Variants in CNTN4 observed in about 807,000 individuals in gnomAD.
The protein encoded by CNTN4 is contactin 4, also known as contactin-4.
CNTN4 carries 77 observed loss-of-function variants against 122.5 expected under a neutral mutation model. The observed-to-expected ratio is 0.63, with a 90% CI of 0.52 to 0.76. The LOEUF is 0.76. Ranked by LOEUF, CNTN4 falls within the 30% of genes least tolerant of loss-of-function variation. CNTN4 has a pLI of 0.00. For synonymous variants in CNTN4, 512 were observed against 447.0 expected (o/e 1.15, Z -1.83); for missense variants, 1,256 against 1,259.1 (o/e 1.00, Z 0.04).
intron 7 of CNTN4, among the ~76,000 whole-genome samples, chr3:2,826,293 C>A (rs1038267942): frequency 2.0e-5 from 3 of 152,210 alleles, no homozygotes; most frequent in Admixed American, 6.5e-5. Context: ...TAATATGCAG[C>A]CAGGGTGGAA....
At chr3:2,721,686 C>G (rs1319796784) in intron 4 of CNTN4, among the ~76,000 whole-genome samples, 1 of 151,964 alleles carries the variant, frequency 6.6e-6, no homozygotes. Flanking sequence ...CTGTTTTTGC[C>G]TGTAGTGCTT....
intron 3 of CNTN4, among the ~76,000 whole-genome samples, chr3:2,560,145 C>CT (rs567883588): frequency 1.1e-3 from 154 of 144,370 alleles, no homozygotes; most frequent in Middle Eastern, 3.5e-3. Flanking sequence ...TTTTCTTTTT[C>CT]TTTTTTTTTT....
intron 5 of CNTN4, among the ~76,000 whole-genome samples, 160 bp from the exon 6 acceptor site, chr3:2,745,362 T>A (rs952628063): frequency 7.2e-5 from 11 of 152,234 alleles, no homozygotes; most frequent in African/African-American, 2.7e-4. Flanking sequence ...ACTTAAGATG[T>A]CACCATTGCT....
intron 2 of CNTN4, among the ~76,000 whole-genome samples, chr3:2,125,622 C>A (rs1044281306): frequency 1.5e-4 from 22 of 149,352 alleles, no homozygotes; most frequent in African/African-American, 5.4e-4. Context: ...TCAGTGGCAC[C>A]ATCTTGGATC....
chr3:3,046,406 C>T (rs1304380248), intron 23 of CNTN4, among the ~76,000 whole-genome samples: 2 of 152,176 alleles, frequency 1.3e-5, no homozygotes, highest in Non-Finnish European at 2.9e-5. Flanking sequence ...CAAAGGGAAG[C>T]CCATCAGACT....
At chr3:2,568,374 C>T (rs2079276319) in intron 3 of CNTN4, among the ~76,000 whole-genome samples, 2 of 150,090 alleles carry the variant, frequency 1.3e-5, no homozygotes, top group Admixed American at 6.7e-5. Context: ...TTCATCTCCT[C>T]CTGGCTCAAT....
At chr3:2,241,890 G>C (rs372967033) in intron 2 of CNTN4, among the ~76,000 whole-genome samples, 2 of 151,910 alleles carry the variant, frequency 1.3e-5, no homozygotes, top group East Asian at 1.9e-4. Flanking sequence ...AATTATTTCT[G>C]TTCCTTTTCA....
chr3:3,040,239 G>C lies in CNTN4; in HGVS notation c.2366G>C (p.Ser789Thr). Residue 789 changes from serine to threonine, a missense_variant, in exon 20 of 25, where the codon AGT (serine) becomes ACT (threonine). By Grantham distance (58) the Ser-to-Thr change is moderately conservative. Transcript: ENST00000418658. The stretch of plus-strand genomic sequence containing the variant: ...AACAACAAAGGAGAAGGCCCTTTCA[G>C]TCCCACCACGGTGGTGTATTCTGCA... Reference protein sequence around the residue: ...VFNNKGEGPFSPTTVVYSAEE... With the variant: ...VFNNKGEGPFTPTTVVYSAEE... The C allele has an allele frequency of 6.2e-7, 1 of 1,614,098 alleles. No homozygotes were observed. Among genetic ancestry groups the C allele is most frequent in the Non-Finnish European group, 8.5e-7 (1 of 1,179,938 alleles).
At chr3:2,115,831 A>G (rs1056286764) in intron 2 of CNTN4, among the ~76,000 whole-genome samples, 2 of 152,230 alleles carry the variant, frequency 1.3e-5, no homozygotes, top group East Asian at 3.8e-4. Flanking sequence ...ATCAACACCT[A>G]AAAAGTCCTT....
chr3:2,778,162 C>T (rs1365753521), intron 6 of CNTN4, among the ~76,000 whole-genome samples: 2 of 139,654 alleles, frequency 1.4e-5, no homozygotes, highest in Admixed American at 1.4e-4. Context: ...TGTGGTGAGC[C>T]GAGATCGCGC....
At chr3:2,597,165 A>T (rs979092826) in intron 4 of CNTN4, among the ~76,000 whole-genome samples, 3 of 152,144 alleles carry the variant, frequency 2.0e-5, no homozygotes, top group African/African-American at 7.2e-5. Context: ...TTTCCAAGGC[A>T]CCTGCATTCT....
At chr3:2,838,287 C>T (rs932516315) in intron 7 of CNTN4, among the ~76,000 whole-genome samples, 1 of 152,122 alleles carries the variant, frequency 6.6e-6, no homozygotes, top group African/African-American at 2.4e-5. Context: ...TAAAATTAAT[C>T]CTCCATAATC....
intron 7 of CNTN4, among the ~76,000 whole-genome samples, chr3:2,832,315 T>C (rs1019455195): frequency 6.6e-6 from 1 of 152,120 alleles, no homozygotes; most frequent in Admixed American, 6.6e-5. Flanking sequence ...GATATAGGAG[T>C]GGGCCAAAAC....
intron 13 of CNTN4, among the ~76,000 whole-genome samples, chr3:2,983,118 A>T (rs344393): frequency 6.7e-6 from 1 of 148,382 alleles, no homozygotes; most frequent in African/African-American, 2.5e-5. Flanking sequence ...GGAGGCTGAG[A>T]CAGGAGAATG....
At chr3:2,554,623 T>C (rs1463289462) in intron 3 of CNTN4, among the ~76,000 whole-genome samples, 2 of 152,198 alleles carry the variant, frequency 1.3e-5, no homozygotes, top group African/African-American at 4.8e-5. Flanking sequence ...TTTTATTTTA[T>C]AGGCGATATG....
At chr3:2,772,024 G>A (rs2091124621) in intron 6 of CNTN4, among the ~76,000 whole-genome samples, 1 of 152,180 alleles carries the variant, frequency 6.6e-6, no homozygotes, top group Non-Finnish European at 1.5e-5. Context: ...TGTCAAATAT[G>A]AACTGGAGAG....
chr3:2,573,905 C>T (rs960823625), intron 4 of CNTN4, among the ~76,000 whole-genome samples: 7 of 152,142 alleles, frequency 4.6e-5, no homozygotes, highest in South Asian at 4.1e-4. Flanking sequence ...GCACTCCACT[C>T]GCTGAATTTT....
intron 3 of CNTN4, among the ~76,000 whole-genome samples, chr3:2,523,904 A>G (rs978557712): frequency 6.6e-6 from 1 of 152,106 alleles, no homozygotes; most frequent in Non-Finnish European, 1.5e-5. Context: ...TGTAAACCCC[A>G]TTGTGAATGT....
At chr3:2,168,627 A>G (rs893323863) in intron 2 of CNTN4, among the ~76,000 whole-genome samples, 4 of 152,144 alleles carry the variant, frequency 2.6e-5, no homozygotes, top group African/African-American at 9.6e-5. Flanking sequence ...TTGTTTACAT[A>G]TAAAATATAT....
Sources: gnomAD v4.1 joint callset for allele counts (sites outside exome capture counted in the v4.1 genomes callset) on GRCh38, gnomAD v4.1.1 for gene constraint, MANE v1.5 for transcripts, NCBI Gene and HGNC (gene_info 2026-07-23, HGNC 2026-07-21) for gene names.